Variants in RALYL observed in about 807,000 individuals in gnomAD.
RALYL encodes the protein RALY RNA binding protein like.
RALYL carries 29 observed loss-of-function variants against 35.1 expected under a neutral mutation model. That is an observed-to-expected ratio of 0.83 (90% CI 0.61 to 1.13). The LOEUF (loss-of-function observed/expected upper bound fraction) is 1.13. RALYL is among the 50% of genes most tolerant of loss of function. RALYL has a pLI of 0.00. For synonymous variants in RALYL, 120 were observed against 127.6 expected, an observed-to-expected ratio of 0.94 and a Z score of 0.40; for missense variants, 359 against 360.4, an observed-to-expected ratio of 1.00 and a Z score of 0.03.
chr8:84,895,243 C>A (rs1428244980), intron 8 of RALYL, among the ~76,000 whole-genome samples: 1 of 151,622 alleles, frequency 6.6e-6, no homozygotes, highest in Non-Finnish European at 1.5e-5. Context: ...ATAAAGAAAT[C>A]AGTACCATTA....
At chr8:84,917,047 A>G (rs1848588343) in intron 8 of RALYL, among the ~76,000 whole-genome samples, 1 of 152,128 alleles carries the variant, frequency 6.6e-6, no homozygotes, top group Non-Finnish European at 1.5e-5. Flanking sequence ...ACATCTTAGC[A>G]TACCATATAC....
chr8:84,887,602 A>T lies in RALYL; in HGVS notation c.686-2A>T. On this transcript the variant is annotated splice_acceptor_variant, in intron 7 of 8. Coordinates refer to ENST00000521268, the MANE Select transcript of RALYL (RefSeq NM_173848.7). LOFTEE classifies it high-confidence loss of function. ...TAGTCATTTGCTTTCTCCCCCCCCCAGAAGCTCAGAAGAAGCAATTGGAAG... is the reference window on the plus strand; with the variant it reads ...TAGTCATTTGCTTTCTCCCCCCCCCTGAAGCTCAGAAGAAGCAATTGGAAG... 1 of 1,581,570 alleles carries T rather than the reference A, an allele frequency of 6.3e-7. No individual in the cohort carries two copies. Among genetic ancestry groups the T allele is most frequent in the Non-Finnish European group, 8.6e-7 (1 of 1,161,292 alleles).
intron 4 of RALYL, among the ~76,000 whole-genome samples, chr8:84,840,968 C>T (rs1440181245): frequency 2.6e-5 from 4 of 152,224 alleles, no homozygotes; most frequent in Non-Finnish European, 5.9e-5. Context: ...CTGAAGGAAG[C>T]ACTAAACATG....
At chr8:84,188,883 T>C (rs1324398894) in intron 1 of RALYL, among the ~76,000 whole-genome samples, 3 of 152,186 alleles carry the variant, frequency 2.0e-5, no homozygotes, top group Non-Finnish European at 4.4e-5. Flanking sequence ...AAATTAACTT[T>C]GTGTTTTTCT....
chr8:84,237,207 A>G (rs2131516747), intron 1 of RALYL, among the ~76,000 whole-genome samples: 1 of 152,332 alleles, frequency 6.6e-6, no homozygotes, highest in African/African-American at 2.4e-5. Context: ...AGGCAGAGAG[A>G]GAAGTGAACC....
intron 2 of RALYL, among the ~76,000 whole-genome samples, chr8:84,656,284 G>A (rs1468642025): frequency 4.6e-5 from 7 of 152,004 alleles, no homozygotes. Flanking sequence ...TCATATTATT[G>A]AGGTTCTCCT....
At chr8:84,888,229 CTT>C (rs1843236409) in intron 8 of RALYL, among the ~76,000 whole-genome samples, 2 of 152,178 alleles carry the variant, frequency 1.3e-5, no homozygotes, top group South Asian at 4.1e-4. Flanking sequence ...TAAGATGACA[CTT>C]TGGTAGATGG....
intron 1 of RALYL, among the ~76,000 whole-genome samples, chr8:84,303,140 A>C (rs1215184266): frequency 6.6e-6 from 1 of 152,156 alleles, no homozygotes; most frequent in Non-Finnish European, 1.5e-5. Flanking sequence ...TGTCTGACTG[A>C]TGTTTGAGAG....
intron 4 of RALYL, among the ~76,000 whole-genome samples, chr8:84,849,557 TTTTG>T (rs1332179698): frequency 2.7e-3 from 402 of 149,360 alleles, no homozygotes; most frequent in African/African-American, 9.8e-3. Flanking sequence ...AGTTTTTTGT[TTTTG>T]TTTTTTTTTT....
At chr8:84,449,856 G>A (rs1447698981) in intron 1 of RALYL, among the ~76,000 whole-genome samples, 4 of 151,928 alleles carry the variant, frequency 2.6e-5, no homozygotes, top group Admixed American at 2.6e-4. Flanking sequence ...TATACATAGA[G>A]TTTCTCTCAC....
chr8:84,588,496 G>A lies in RALYL; in HGVS notation c.256+58919G>A, dbSNP rs971129251. On this transcript the variant is annotated intron_variant, in intron 2 of 8. Transcript: ENST00000521268. Reference sequence around the variant, plus strand: ...CTATTTATGTGAGGTGTGTAACAGAGCAATGTTCTCTGAAGACATCACAAA... The same window carrying A: ...CTATTTATGTGAGGTGTGTAACAGAACAATGTTCTCTGAAGACATCACAAA... Among the ~76,000 whole-genome samples the A allele has an allele frequency of 2.6e-4, 40 of 152,190 alleles. 2 individuals are homozygous for A. The highest frequency in any genetic ancestry group is 8.8e-5 in the Non-Finnish European group (6 of 68,030).
intron 2 of RALYL, among the ~76,000 whole-genome samples, chr8:84,686,106 T>A (rs1836726975): frequency 6.6e-6 from 1 of 152,202 alleles, no homozygotes; most frequent in South Asian, 2.1e-4. Flanking sequence ...AAATCATGCA[T>A]AAGTAACCTT....
intron 1 of RALYL, among the ~76,000 whole-genome samples, chr8:84,324,993 T>G (rs574890360): frequency 1.3e-5 from 2 of 152,298 alleles, no homozygotes; most frequent in African/African-American, 2.4e-5. Flanking sequence ...AATCATACTG[T>G]GTATATATAC....
At chr8:84,234,864 A>T in intron 1 of RALYL, among the ~76,000 whole-genome samples, 1 of 151,808 alleles carries the variant, frequency 6.6e-6, no homozygotes, top group East Asian at 1.9e-4. Context: ...TCCCAGGTTC[A>T]AGTGATTCTC....
chr8:84,850,090 T>C (rs1368092759), intron 5 of RALYL, 63 bp downstream of exon 5: 1 of 871,980 alleles, frequency 1.1e-6, no homozygotes, highest in Non-Finnish European at 1.7e-6. Context: ...ATTTTGTACA[T>C]TTTATTCATG....
intron 2 of RALYL, among the ~76,000 whole-genome samples, chr8:84,649,130 A>G (rs369340616): frequency 6.6e-5 from 10 of 152,186 alleles, no homozygotes; most frequent in East Asian, 1.9e-4. Context: ...AGGATTGCAT[A>G]TGTTGTCACC....
chr8:84,362,437 G>A (rs1401760179), intron 1 of RALYL, among the ~76,000 whole-genome samples: 4 of 152,044 alleles, frequency 2.6e-5, no homozygotes. Flanking sequence ...CAACCTCTGG[G>A]CTGCAGACCC....
chr8:84,509,679 T>A (rs1379823137), intron 1 of RALYL, among the ~76,000 whole-genome samples: 2 of 152,174 alleles, frequency 1.3e-5, no homozygotes, highest in East Asian at 3.9e-4. Flanking sequence ...GGATCCATTC[T>A]GGGTTAATTT....
At chr8:84,861,911 T>G (rs1011609937) in intron 5 of RALYL, among the ~76,000 whole-genome samples, 5 of 152,232 alleles carry the variant, frequency 3.3e-5, no homozygotes, top group Non-Finnish European at 7.3e-5. Flanking sequence ...AAGTGTTTGA[T>G]GTGTAAGAGG....
Sources: allele counts gnomAD v4.1 joint callset (sites outside exome capture counted in the v4.1 genomes callset), GRCh38; gene constraint gnomAD v4.1.1; transcripts MANE v1.5; gene names NCBI Gene and HGNC (gene_info 2026-07-23, HGNC 2026-07-21).